Variants in ADAMTS12 observed in about 807,000 individuals in gnomAD.
The protein encoded by ADAMTS12 is ADAM metallopeptidase with thrombospondin type 1 motif 12.
ADAMTS12 carries 118 observed loss-of-function variants against 167.8 expected under a neutral mutation model. The ratio of observed to expected loss-of-function variants is 0.70; its 90% CI spans 0.61 to 0.82. The LOEUF is 0.82. ADAMTS12 is among the 40% of genes least tolerant of loss of function. ADAMTS12 has a pLI of 0.00. For synonymous variants in ADAMTS12, 704 were observed against 716.9 expected (o/e 0.98, Z 0.29); for missense variants, 1,916 against 1,998.8 (o/e 0.96, Z 0.79).
At chr5:33,843,668 C>T (rs1748833018) in intron 2 of ADAMTS12, among the ~76,000 whole-genome samples, 1 of 152,182 alleles carries the variant, frequency 6.6e-6, no homozygotes, top group Admixed American at 6.5e-5. Flanking sequence ...ACGGTAGTCA[C>T]CTCTTATCCA....
At chr5:33,853,931 C>G (rs1749311431) in intron 2 of ADAMTS12, among the ~76,000 whole-genome samples, 1 of 152,198 alleles carries the variant, frequency 6.6e-6, no homozygotes, top group Admixed American at 6.5e-5. Context: ...CCAGTTCATC[C>G]AAAGTAACAG....
At chr5:33,651,624 G>A (rs1234517891) in intron 7 of ADAMTS12, among the ~76,000 whole-genome samples, 1 of 152,098 alleles carries the variant, frequency 6.6e-6, no homozygotes, top group African/African-American at 2.4e-5. Context: ...GTACCTGAGA[G>A]GCACCTTAAC....
intron 21 of ADAMTS12, 50 bp downstream of exon 21, chr5:33,549,157 A>G (rs938948962): frequency 6.6e-5 from 105 of 1,584,484 alleles, no homozygotes; most frequent in Non-Finnish European, 8.8e-5. Flanking sequence ...ACAGAGATTC[A>G]TGGCTTGCCA....
intron 3 of ADAMTS12, among the ~76,000 whole-genome samples, chr5:33,699,647 G>A (rs902613990): frequency 1.3e-5 from 2 of 152,066 alleles, no homozygotes; most frequent in African/African-American, 4.8e-5. Context: ...GGTGGTGGTC[G>A]TACCACTCTG....
intron 2 of ADAMTS12, among the ~76,000 whole-genome samples, chr5:33,843,422 T>C (rs1748821723): frequency 6.6e-6 from 1 of 152,046 alleles, no homozygotes; most frequent in African/African-American, 2.4e-5. Flanking sequence ...AGGGCATCCA[T>C]ATCAGGCAAG....
chr5:33,693,715 C>T (rs1356586522), intron 3 of ADAMTS12, among the ~76,000 whole-genome samples: 1 of 152,090 alleles, frequency 6.6e-6, no homozygotes, highest in Non-Finnish European at 1.5e-5. Flanking sequence ...AACATCATAT[C>T]AAATGACCAA....
At chr5:33,571,491 T>C (rs1364543346) in intron 19 of ADAMTS12, among the ~76,000 whole-genome samples, 1 of 152,140 alleles carries the variant, frequency 6.6e-6, no homozygotes, top group African/African-American at 2.4e-5. Context: ...TGCTCCCGAA[T>C]GACTACTGGG....
intron 2 of ADAMTS12, among the ~76,000 whole-genome samples, chr5:33,793,947 C>T (rs1450626270): frequency 6.6e-6 from 1 of 152,166 alleles, no homozygotes; most frequent in African/African-American, 2.4e-5. Flanking sequence ...GGAGGCTTCT[C>T]GCCGCTTTCA....
At chr5:33,696,577 T>G (rs1043204151) in intron 3 of ADAMTS12, among the ~76,000 whole-genome samples, 7 of 152,122 alleles carry the variant, frequency 4.6e-5, no homozygotes, top group Non-Finnish European at 1.0e-4. Context: ...CCTGGTTGGT[T>G]TTTCCCTCAT....
At chr5:33,741,241 A>G (rs1744566240) in intron 3 of ADAMTS12, among the ~76,000 whole-genome samples, 1 of 152,184 alleles carries the variant, frequency 6.6e-6, no homozygotes, top group Non-Finnish European at 1.5e-5. Flanking sequence ...GGCGGCCCAA[A>G]CCACATAAAC....
Position 33,849,431 on chromosome 5 carries a change from A to C in ADAMTS12, c.489+31688T>G, listed in dbSNP as rs201553230. ...TGCACAGCAATATATATATGTATTG[A>C]ATAGCAATATATATATGTATTGCAC... On this transcript the variant is annotated intron_variant, in intron 2 of 23. Coordinates refer to ENST00000504830, the MANE Select transcript of ADAMTS12 (RefSeq NM_030955.4). Among the ~76,000 whole-genome samples the C allele has an allele frequency of 2.9e-3, 253 of 88,680 alleles. 9 individuals carry two copies. The highest frequency in any genetic ancestry group is 0.024 in the Middle Eastern group (2 of 84). 58.2% of individuals were successfully genotyped at this position (88,680 alleles called of 152,430 possible). A position where few individuals can be genotyped will look rare whatever the true frequency, so the allele number is the denominator to read the frequency against.
rs1212042783 is a variant in ADAMTS12, at chr5:33,717,689, T to C, written c.635-33634A>G. 3.3e-5 allele frequency among the ~76,000 whole-genome samples: 5 copies of C among 152,302 alleles called. No individual in the cohort carries two copies. The East Asian group carries it at 9.7e-4, about 29-fold the overall frequency. The stretch of plus-strand genomic sequence containing the variant: ...GACTCTAATCTTGATATCTTTATTA[T>C]TTCTACATGCCTTCCTCAACTTACA... On this transcript the variant is annotated intron_variant, in intron 3 of 23. Transcript: ENST00000504830.
Position 33,561,680 on chromosome 5 carries a change from C to T in ADAMTS12, c.3973-501G>A, listed in dbSNP as rs192451142. ...CTTGCATTCCCAGCTACTTAGGAGGCTGAGTTGCTAGGACTGCTTGAACCT... is the reference window on the plus strand; with the variant it reads ...CTTGCATTCCCAGCTACTTAGGAGGTTGAGTTGCTAGGACTGCTTGAACCT... On this transcript the variant is annotated intron_variant, in intron 19 of 23. Coordinates refer to ENST00000504830, the MANE Select transcript of ADAMTS12 (RefSeq NM_030955.4). 1.5e-4 allele frequency among the ~76,000 whole-genome samples: 23 copies of T among 152,290 alleles called. 1 individual carries two copies. In the East Asian group the frequency reaches 2.9e-3, roughly 19 times the overall value.
chr5:33,649,435 TG>T, intron 8 of ADAMTS12, 118 bp downstream of exon 8: 2 of 1,257,492 alleles, frequency 1.6e-6, no homozygotes, highest in Non-Finnish European at 2.2e-6. Context: ...CACCCTGACA[TG>T]GTGGCCTGTG....
At chr5:33,728,717 TCTGA>T (rs1744071163) in intron 3 of ADAMTS12, among the ~76,000 whole-genome samples, 1 of 152,228 alleles carries the variant, frequency 6.6e-6, no homozygotes, top group Non-Finnish European at 1.5e-5. Flanking sequence ...TGTAGAGAGC[TCTGA>T]CTGTGTGTAG....
intron 23 of ADAMTS12, among the ~76,000 whole-genome samples, chr5:33,532,235 A>T (rs187557054): frequency 1.3e-5 from 2 of 152,266 alleles, no homozygotes; most frequent in South Asian, 2.1e-4. Flanking sequence ...AAACAATTTC[A>T]ATGTTGTTGA....
intron 5 of ADAMTS12, among the ~76,000 whole-genome samples, chr5:33,678,684 C>A (rs78321293): frequency 1.1e-3 from 170 of 152,108 alleles, no homozygotes; most frequent in African/African-American, 3.8e-3. Flanking sequence ...GCAGGAATAG[C>A]GAGAGATGAG....
chr5:33,659,473 T>C (rs962059245), intron 6 of ADAMTS12, among the ~76,000 whole-genome samples: 1 of 152,206 alleles, frequency 6.6e-6, no homozygotes, highest in Admixed American at 6.5e-5. Context: ...TGTGTGAAGC[T>C]GCTGGAAAAA....
At chr5:33,655,142 A>T (rs780735510) in intron 7 of ADAMTS12, among the ~76,000 whole-genome samples, 1 of 152,102 alleles carries the variant, frequency 6.6e-6, no homozygotes, top group Non-Finnish European at 1.5e-5. Context: ...TCCATGACTT[A>T]TAACTTTCTA....
Sources: gnomAD v4.1 joint callset for allele counts (sites outside exome capture counted in the v4.1 genomes callset) on GRCh38, gnomAD v4.1.1 for gene constraint, MANE v1.5 for transcripts, NCBI Gene and HGNC (gene_info 2026-07-23, HGNC 2026-07-21) for gene names.